Variants in RUNDC3B observed in about 807,000 individuals in gnomAD.
The protein encoded by RUNDC3B is RUN domain containing 3B.
In RUNDC3B, 33 loss-of-function variants were observed where a neutral mutation model predicts 58.4. The ratio of observed to expected loss-of-function variants is 0.56; its 90% CI spans 0.43 to 0.75. The LOEUF is 0.75. Ranked by LOEUF, RUNDC3B falls within the 30% of genes least tolerant of loss-of-function variation. The pLI, the probability that RUNDC3B is intolerant of heterozygous loss-of-function variation, is 0.00. For missense variants in RUNDC3B, 501 were observed against 535.7 expected (o/e 0.94, Z 0.64); for synonymous variants, 193 against 195.2 (o/e 0.99, Z 0.10).
intron 2 of RUNDC3B, among the ~76,000 whole-genome samples, chr7:87,667,222 C>A (rs1037910334): frequency 2.0e-5 from 3 of 151,962 alleles, no homozygotes; most frequent in Non-Finnish European, 4.4e-5. Context: ...AGCTGTATTG[C>A]TATGAAGTTT....
chr7:87,793,857 C>T (rs976041158), intron 8 of RUNDC3B, among the ~76,000 whole-genome samples: 1 of 151,942 alleles, frequency 6.6e-6, no homozygotes, highest in Non-Finnish European at 1.5e-5. Flanking sequence ...GGGAAAGAAA[C>T]AAAGGTCATC....
chr7:87,827,547 G>A (rs961922590), intron 10 of RUNDC3B, among the ~76,000 whole-genome samples: 3 of 151,922 alleles, frequency 2.0e-5, no homozygotes, highest in Non-Finnish European at 4.4e-5. Context: ...TATCAGATGG[G>A]TAGATTTTAA....
chr7:87,704,030 C>G (rs1238276326), intron 3 of RUNDC3B, among the ~76,000 whole-genome samples: 1 of 148,016 alleles, frequency 6.8e-6, no homozygotes, highest in Non-Finnish European at 1.5e-5. Context: ...AAGCAATTCT[C>G]CTGCCTCAAC....
rs143868233 is a variant in RUNDC3B, at chr7:87,704,681, C to T, written c.372+4127C>T. On this transcript the variant is annotated intron_variant, in intron 3 of 10. Coordinates refer to ENST00000394654, the MANE Select transcript of RUNDC3B (RefSeq NM_001134405.2). ...ACCACAGAACAATCATGTTCCAAAT[C>T]CTGCATTTATATCTTTGTTTTGCTC... 4.7e-3 allele frequency among the ~76,000 whole-genome samples: 717 copies of T among 152,268 alleles called. 3 individuals are homozygous for T. The highest frequency in any genetic ancestry group is 0.016 in the African/African-American group (657 of 41,556).
At chr7:87,789,418 A>G (rs1167843872) in intron 8 of RUNDC3B, among the ~76,000 whole-genome samples, 2 of 152,064 alleles carry the variant, frequency 1.3e-5, no homozygotes, top group Non-Finnish European at 2.9e-5. Context: ...TACTGATGGC[A>G]TGATCTATCA....
At chr7:87,683,063 A>AT (rs1253056644) in intron 2 of RUNDC3B, among the ~76,000 whole-genome samples, 2 of 152,016 alleles carry the variant, frequency 1.3e-5, no homozygotes, top group Non-Finnish European at 2.9e-5. Context: ...TATTATTATT[A>AT]TTTTTTTATG....
chr7:87,746,815 C>T (rs1366173924), intron 6 of RUNDC3B, among the ~76,000 whole-genome samples: 1 of 152,142 alleles, frequency 6.6e-6, no homozygotes, highest in Non-Finnish European at 1.5e-5. Flanking sequence ...CATTCAATGT[C>T]AGTATTGAAA....
At chr7:87,773,630 TGTTTG>T (rs201522684) in intron 7 of RUNDC3B, among the ~76,000 whole-genome samples, 4,177 of 150,916 alleles carry the variant, frequency 0.028, 179 homozygotes, top group African/African-American at 0.096. Flanking sequence ...GAGTTATTTT[TGTTTG>T]GTTTGTTTTG....
chr7:87,819,849 G>C (rs943770628), intron 10 of RUNDC3B, among the ~76,000 whole-genome samples: 7 of 152,108 alleles, frequency 4.6e-5, no homozygotes, highest in East Asian at 1.9e-4. Context: ...CGAGAACAAA[G>C]ACCCAACATA....
intron 4 of RUNDC3B, among the ~76,000 whole-genome samples, 169 bp downstream of exon 4, chr7:87,710,824 A>C (rs1319443926): frequency 6.6e-6 from 1 of 152,168 alleles, no homozygotes; most frequent in Non-Finnish European, 1.5e-5. Context: ...GTAATTTGTC[A>C]ACTAAACATA....
chr7:87,750,727 T>A (rs1202181353), intron 6 of RUNDC3B, among the ~76,000 whole-genome samples: 1 of 150,944 alleles, frequency 6.6e-6, no homozygotes, highest in African/African-American at 2.4e-5. Context: ...GATGGGGTTG[T>A]TTGTTTTTTT....
In RUNDC3B at chr7:87,807,525, T is replaced by G; in HGVS notation, c.1103+6T>G. 1 of 1,609,356 alleles carries G rather than the reference T, an allele frequency of 6.2e-7. No individual in the cohort carries two copies. The highest frequency in any genetic ancestry group is 8.5e-7 in the Non-Finnish European group (1 of 1,175,908). On this transcript the variant is annotated splice_donor_region_variant and intron_variant, in intron 9 of 10. Coordinates refer to ENST00000394654, the MANE Select transcript of RUNDC3B (RefSeq NM_001134405.2). ...CACAATAAACAGTGGTATGAGTAAG[T>G]GTAATACTTTTTTTTCCAACTAATT...
At chr7:87,657,159 T>C (rs1325867629) in intron 2 of RUNDC3B, among the ~76,000 whole-genome samples, 1 of 152,126 alleles carries the variant, frequency 6.6e-6, no homozygotes, top group Non-Finnish European at 1.5e-5. Context: ...GAAAGACTGG[T>C]TAAGGACACT....
intron 6 of RUNDC3B, among the ~76,000 whole-genome samples, chr7:87,744,722 A>T (rs1369030406): frequency 6.6e-6 from 1 of 152,164 alleles, no homozygotes; most frequent in African/African-American, 2.4e-5. Context: ...TTTCTGGAGG[A>T]GTCCTCAGGG....
chr7:87,770,814 C>A, intron 7 of RUNDC3B, 65 bp downstream of exon 7: 1 of 1,100,858 alleles, frequency 9.1e-7, no homozygotes, highest in Non-Finnish European at 1.3e-6. Context: ...CTGTGACTGC[C>A]AAAATATTTT....
intron 3 of RUNDC3B, among the ~76,000 whole-genome samples, chr7:87,703,912 T>TTTTC (rs1829338933): frequency 1.6e-5 from 1 of 62,748 alleles, no homozygotes; most frequent in Admixed American, 2.0e-4. Context: ...TTTTTTTTTT[T>TTTTC]GGTTTTTTTT....
chr7:87,823,791 TACACACACACACACACAC>T (rs113441553), intron 10 of RUNDC3B, among the ~76,000 whole-genome samples: 2 of 143,786 alleles, frequency 1.4e-5, no homozygotes, highest in Admixed American at 1.4e-4. Context: ...TTCATATATA[TACACACACACACACACAC>T]ACACACACAC....
chr7:87,646,571 A>G (rs962566777), intron 1 of RUNDC3B, among the ~76,000 whole-genome samples: 2 of 152,158 alleles, frequency 1.3e-5, no homozygotes, highest in African/African-American at 4.8e-5. Context: ...TTCTTATTCC[A>G]TTCTACTGAA....
intron 4 of RUNDC3B, among the ~76,000 whole-genome samples, chr7:87,727,450 A>G (rs1363962390): frequency 2.0e-5 from 3 of 152,056 alleles, no homozygotes; most frequent in African/African-American, 7.2e-5. Context: ...AATTGTGCTT[A>G]TTTGTATTTC....
Sources: gnomAD v4.1 joint callset for allele counts (sites outside exome capture counted in the v4.1 genomes callset) on GRCh38, gnomAD v4.1.1 for gene constraint, MANE v1.5 for transcripts, NCBI Gene and HGNC (gene_info 2026-07-23, HGNC 2026-07-21) for gene names.